ANO5: variants seen among roughly 807,000 people sequenced by gnomAD.
ANO5 encodes anoctamin 5.
In ANO5, 109 loss-of-function variants were observed where a neutral mutation model predicts 121.0. The observed-to-expected ratio is 0.90, with a 90% CI of 0.77 to 1.06. The LOEUF is 1.06. Ranked by LOEUF, ANO5 falls within the 50% of genes least tolerant of loss-of-function variation. The pLI is 0.00. For missense variants in ANO5, 1,064 were observed against 1,078.5 expected (o/e 0.99, Z 0.19); for synonymous variants, 406 against 359.9 (o/e 1.13, Z -1.45).
chr11:22,277,984 T>TA (rs1854929910), intron 21 of ANO5: 1 of 151,710 alleles, frequency 6.6e-6, no homozygotes, highest in East Asian at 1.9e-4. Flanking sequence ...TTTCTTTCCT[T>TA]ACATGTGATT....
intron 1 of ANO5, among the ~76,000 whole-genome samples, chr11:22,201,964 G>T (rs912760306): frequency 1.3e-5 from 2 of 152,102 alleles, no homozygotes; most frequent in African/African-American, 4.8e-5. Context: ...CAAAGAGGGA[G>T]AATGGAACTG....
At chr11:22,225,347 G>C (rs1158397731) in intron 5 of ANO5, among the ~76,000 whole-genome samples, 1 of 151,938 alleles carries the variant, frequency 6.6e-6, no homozygotes, top group Non-Finnish European at 1.5e-5. Flanking sequence ...TGTAGTCCCA[G>C]CTACTCAGGA....
chr11:22,242,844 A>G (rs1853478701), intron 9 of ANO5, among the ~76,000 whole-genome samples: 1 of 152,080 alleles, frequency 6.6e-6, no homozygotes, highest in African/African-American at 2.4e-5. Context: ...ATTTGGCAAC[A>G]AAGAGAGATA....
At chr11:22,254,447 T>C (rs1456732090) in intron 12 of ANO5, among the ~76,000 whole-genome samples, 1 of 152,190 alleles carries the variant, frequency 6.6e-6, no homozygotes, top group East Asian at 1.9e-4. Flanking sequence ...CAGCACTATG[T>C]GTAATAGCAG....
rs369226302 is a variant in ANO5, at chr11:22,211,412, G to A, written c.138+98G>A. On this transcript the variant is annotated intron_variant, in intron 3 of 21. Transcript: ENST00000324559. The stretch of plus-strand genomic sequence containing the variant: ...ATACTCTTTTCCAGTTCAGTTATTT[G>A]ACATGCTCTCATACATGGTATTTGA... 5.3e-5 allele frequency: 71 copies of A among 1,342,978 alleles called. No individual in the cohort carries two copies. In the African/African-American group the frequency reaches 8.6e-4, roughly 16 times the overall value. The allele number at this position is 1,342,978 out of a possible 1,614,324, so 83.2% of individuals were successfully genotyped here.
At chr11:22,237,427 G>T (rs1853259536) in intron 8 of ANO5, among the ~76,000 whole-genome samples, 1 of 152,042 alleles carries the variant, frequency 6.6e-6, no homozygotes, top group Non-Finnish European at 1.5e-5. Context: ...GTCTTGCTGT[G>T]TCCCCCAGGC....
chr11:22,235,707 T>G (rs774137676), intron 7 of ANO5, among the ~76,000 whole-genome samples: 50 of 152,142 alleles, frequency 3.3e-4, no homozygotes, highest in African/African-American at 7.2e-5. Context: ...ATAGGATCAC[T>G]TTGGCTAATA....
At position 22,254,990 on chromosome 11, in the gene ANO5, G is replaced by A. The variant is rs1030416416; in HGVS notation, c.1181-381G>A. On this transcript the variant is annotated intron_variant, in intron 12 of 21. Coordinates refer to ENST00000324559, the MANE Select transcript of ANO5 (RefSeq NM_213599.3). The stretch of plus-strand genomic sequence containing the variant: ...GGTATATTTCCCCAAGCCTGAGAAA[G>A]CAGTACAAAGACTTGAATGATTTCA... Among the ~76,000 whole-genome samples the A allele has an allele frequency of 1.2e-4, 18 of 152,122 alleles. No individual in the cohort carries two copies. In the South Asian group the frequency reaches 3.7e-3, roughly 32 times the overall value.
intron 21 of ANO5, among the ~76,000 whole-genome samples, chr11:22,277,202 AAG>A (rs1475140639): frequency 6.6e-6 from 1 of 151,492 alleles, no homozygotes; most frequent in East Asian, 1.9e-4. Flanking sequence ...CACAGACAGA[AAG>A]AGAGAGGGGG....
chr11:22,211,556 T>C (rs941235550), intron 3 of ANO5, among the ~76,000 whole-genome samples: 1 of 151,876 alleles, frequency 6.6e-6, no homozygotes, highest in Non-Finnish European at 1.5e-5. Context: ...ATTTTTTCTA[T>C]GAGAAAATGA....
chr11:22,262,108 CA>C lies in ANO5; in HGVS notation c.1631-20del. On this transcript the variant is annotated intron_variant, in intron 15 of 21. Coordinates refer to ENST00000324559, the MANE Select transcript of ANO5 (RefSeq NM_213599.3). ...GAAAAAAATAAGAAGATGCACTAAACATTTTTTTTTAACTTAACAGAAATTC... is the reference window on the plus strand; with the variant it reads ...GAAAAAAATAAGAAGATGCACTAAACTTTTTTTTTAACTTAACAGAAATTC... 1 of 1,611,228 alleles carries C rather than the reference CA, an allele frequency of 6.2e-7. No individual in the cohort carries two copies. The highest frequency in any genetic ancestry group is 8.5e-7 in the Non-Finnish European group (1 of 1,178,404).
rs753416246 is a variant in ANO5, at chr11:22,225,977, G to C, written c.295-7G>C. The C allele has an allele frequency of 6.3e-7, 1 of 1,592,078 alleles. No individual in the cohort carries two copies. The highest frequency in any genetic ancestry group is 8.6e-7 in the Non-Finnish European group (1 of 1,162,818). Reference sequence around the variant, plus strand: ...TGCATAATTCTGTTGATTTTTTTTTGTCATAGGAAAGAAGAAAAGAGTTTG... The same window carrying C: ...TGCATAATTCTGTTGATTTTTTTTTCTCATAGGAAAGAAGAAAAGAGTTTG... On this transcript the variant is annotated splice_region_variant and splice_polypyrimidine_tract_variant and intron_variant, in intron 5 of 21. Coordinates refer to ENST00000324559, the MANE Select transcript of ANO5 (RefSeq NM_213599.3).
intron 18 of ANO5, among the ~76,000 whole-genome samples, chr11:22,272,054 G>A (rs760280408): frequency 4.6e-5 from 7 of 151,876 alleles, no homozygotes; most frequent in Non-Finnish European, 7.4e-5. Flanking sequence ...CCATTAAATG[G>A]CTTATTATTT....
chr11:22,275,202 T>C (rs547294238), intron 20 of ANO5, among the ~76,000 whole-genome samples: 1 of 151,872 alleles, frequency 6.6e-6, no homozygotes, highest in East Asian at 1.9e-4. Flanking sequence ...CCTATCCTAC[T>C]AAAAGGTTTT....
chr11:22,210,729 T>C (rs956670060), intron 2 of ANO5, among the ~76,000 whole-genome samples: 1 of 151,968 alleles, frequency 6.6e-6, no homozygotes. Context: ...TTTTTATACA[T>C]GTATGGCTTT....
chr11:22,236,308 C>A, intron 8 of ANO5, 32 bp downstream of exon 8: 1 of 1,520,068 alleles, frequency 6.6e-7, no homozygotes, highest in Non-Finnish European at 9.1e-7. Flanking sequence ...AAAATCTGAG[C>A]TTATTTTCCT....
intron 9 of ANO5, among the ~76,000 whole-genome samples, chr11:22,240,495 A>T (rs1316537331): frequency 6.6e-6 from 1 of 152,062 alleles, no homozygotes; most frequent in Non-Finnish European, 1.5e-5. Context: ...TGTTATCTCA[A>T]CAGTATGTTT....
intron 9 of ANO5, among the ~76,000 whole-genome samples, chr11:22,245,589 G>A (rs1853588663): frequency 6.6e-6 from 1 of 151,884 alleles, no homozygotes; most frequent in Non-Finnish European, 1.5e-5. Flanking sequence ...ATGTTATTTG[G>A]GGAGAATTAT....
chr11:22,206,539 C>G (rs1852127453), intron 2 of ANO5, among the ~76,000 whole-genome samples: 1 of 152,020 alleles, frequency 6.6e-6, no homozygotes, highest in African/African-American at 2.4e-5. Context: ...GTCTCGAACT[C>G]CTGACCTCAA....
Sources: gnomAD v4.1 joint callset for allele counts (sites outside exome capture counted in the v4.1 genomes callset) on GRCh38, gnomAD v4.1.1 for gene constraint, MANE v1.5 for transcripts, NCBI Gene and HGNC (gene_info 2026-07-23, HGNC 2026-07-21) for gene names.